Variants in KLRG1 observed in about 807,000 individuals in gnomAD.
KLRG1 encodes the protein killer cell lectin like receptor G1.
A neutral mutation model predicts 21.8 loss-of-function variants in KLRG1; 16 were observed. That is an observed-to-expected ratio of 0.73 (90% CI 0.50 to 1.11). KLRG1 has a LOEUF of 1.11. Among genes scored for constraint, KLRG1 ranks in the 50% most tolerant of loss-of-function variants. The pLI, the probability that KLRG1 is intolerant of heterozygous loss-of-function variation, is 0.00. For missense variants in KLRG1, 173 were observed against 218.3 expected, an observed-to-expected ratio of 0.79 and a Z score of 1.31; for synonymous variants, 69 against 75.9, an observed-to-expected ratio of 0.91 and a Z score of 0.47.
Position 8,992,266 on chromosome 12 carries a change from C to T in KLRG1, c.143C>T (p.Ala48Val). 1 of 1,613,924 alleles carries T rather than the reference C, an allele frequency of 6.2e-7. No homozygotes were observed. Among genetic ancestry groups the T allele is most frequent in the African/African-American group, 1.3e-5 (1 of 75,046 alleles). ...GCAATAGCTTTGGGGCTTCTGACTG[C>T]AGTTCTTCTGAGTGTGCTGCTATAC... is the stretch of plus-strand genomic sequence containing the variant. ...LVAIALGLLTAVLLSVLLYQW... is the reference protein window; with the variant it reads ...LVAIALGLLTVVLLSVLLYQW... The change falls in exon 2 of 5, where the codon GCA becomes GTA. Residue 48 changes from alanine to valine, a missense_variant. Coordinates refer to ENST00000356986, the MANE Select transcript of KLRG1 (RefSeq NM_005810.4).
At chr12:9,086,028 A>C in the KLRG1 span, among the ~76,000 whole-genome samples, 1 of 152,196 alleles carries the variant, frequency 6.6e-6, no homozygotes, top group Non-Finnish European at 1.5e-5. Context: ...AGAAAAGCCT[A>C]ATAACTGTTG....
intron 1 of KLRG1, among the ~76,000 whole-genome samples, chr12:8,958,218 T>C (rs967095649): frequency 1.3e-5 from 2 of 152,176 alleles, no homozygotes; most frequent in African/African-American, 4.8e-5. Flanking sequence ...TTTGAGTTAA[T>C]TTTTGTGTAT....
At chr12:9,196,548 C>T in the KLRG1 span, 1 of 1,581,068 alleles carries the variant, frequency 6.3e-7, no homozygotes, top group Non-Finnish European at 8.7e-7. Context: ...GTTTTATTTC[C>T]CATATTCGTT....
At chr12:9,000,459 T>G (rs1592274266) in intron 3 of KLRG1, among the ~76,000 whole-genome samples, 1 of 152,198 alleles carries the variant, frequency 6.6e-6, no homozygotes, top group African/African-American at 2.4e-5. Context: ...AAGTGTACAA[T>G]TGAGTGGCAT....
chr12:9,097,707 C>T, the KLRG1 span, among the ~76,000 whole-genome samples: 1 of 148,724 alleles, frequency 6.7e-6, no homozygotes, highest in African/African-American at 2.5e-5. Flanking sequence ...GATCTCGGCT[C>T]ACTCAACCTC....
At chr12:9,119,923 T>C in the KLRG1 span, among the ~76,000 whole-genome samples, 1 of 152,166 alleles carries the variant, frequency 6.6e-6, no homozygotes, top group Non-Finnish European at 1.5e-5. Context: ...ACTGGACCAG[T>C]TAGTTGCCAG....
chr12:9,201,280 C>G, the KLRG1 span: 1 of 1,481,950 alleles, frequency 6.7e-7, no homozygotes, highest in Non-Finnish European at 9.3e-7. Flanking sequence ...ACCTCCTACT[C>G]TCTAAAAGCA....
intron 1 of KLRG1, among the ~76,000 whole-genome samples, chr12:8,979,621 G>A (rs1215188188): frequency 6.6e-6 from 1 of 152,038 alleles, no homozygotes; most frequent in African/African-American, 2.4e-5. Context: ...AATTTGGATA[G>A]TTTTCAATTA....
the KLRG1 span, chr12:9,165,924 C>G: frequency 8.6e-7 from 1 of 1,167,996 alleles, no homozygotes; most frequent in Non-Finnish European, 1.2e-6. Context: ...TTACTTAGGT[C>G]TATCCTAAAG....
At chr12:9,212,628 T>C in the KLRG1 span, among the ~76,000 whole-genome samples, 1 of 152,178 alleles carries the variant, frequency 6.6e-6, no homozygotes, top group South Asian at 2.1e-4. Flanking sequence ...TCTTAAAATA[T>C]CTGATTTTTC....
the KLRG1 span, among the ~76,000 whole-genome samples, chr12:9,174,865 T>G: frequency 6.6e-6 from 1 of 152,240 alleles, no homozygotes; most frequent in Admixed American, 6.5e-5. Context: ...AGAATCAGTG[T>G]AATGACAATG....
At chr12:8,973,431 T>G (rs1413687273) in intron 1 of KLRG1, among the ~76,000 whole-genome samples, 1 of 152,164 alleles carries the variant, frequency 6.6e-6, no homozygotes, top group African/African-American at 2.4e-5. Context: ...AACCAGGTAG[T>G]CGCCTTTTGC....
At chr12:9,165,980 C>G in the KLRG1 span, 5 of 1,515,716 alleles carry the variant, frequency 3.3e-6, no homozygotes, top group East Asian at 1.1e-4. Flanking sequence ...GGAAGATTGT[C>G]TTAGAATTGA....
chr12:8,973,136 G>GT (rs902545737), intron 1 of KLRG1, among the ~76,000 whole-genome samples: 5 of 139,852 alleles, frequency 3.6e-5, no homozygotes, highest in African/African-American at 1.4e-4. Flanking sequence ...TCCAGCCTGG[G>GT]TGACAGAGCG....
chr12:9,162,710 TGGATTCCTTTCTTTGATGGGTAG>T, the KLRG1 span: 1 of 1,290,722 alleles, frequency 7.7e-7, no homozygotes, highest in Admixed American at 1.9e-5. Context: ...GAGAACCACA[TGGATTCCTTTCTTTGATGGGTAG>T]GGTTTACACG....
At chr12:9,120,035 G>A in the KLRG1 span, among the ~76,000 whole-genome samples, 5 of 152,136 alleles carry the variant, frequency 3.3e-5, no homozygotes, top group Non-Finnish European at 7.3e-5. Context: ...AATAATATCT[G>A]TGGTCTCACC....
chr12:9,072,779 T>C, the KLRG1 span: 23 of 1,614,126 alleles, frequency 1.4e-5, no homozygotes, highest in Non-Finnish European at 1.9e-5. Context: ...AAAATGTCCC[T>C]GAAGACTGGA....
the KLRG1 span, among the ~76,000 whole-genome samples, chr12:9,129,671 A>G: frequency 6.6e-6 from 1 of 151,866 alleles, no homozygotes; most frequent in Non-Finnish European, 1.5e-5. Context: ...TCCCGGGTTC[A>G]GGAGTAGCTG....
chr12:9,119,906 A>T, the KLRG1 span, among the ~76,000 whole-genome samples: 1 of 152,296 alleles, frequency 6.6e-6, no homozygotes, highest in East Asian at 1.9e-4. Flanking sequence ...GCTTGAGAGA[A>T]AAAATAACTG....
Sources: allele counts gnomAD v4.1 joint callset (sites outside exome capture counted in the v4.1 genomes callset), GRCh38; gene constraint gnomAD v4.1.1; transcripts MANE v1.5; gene names NCBI Gene and HGNC (gene_info 2026-07-23, HGNC 2026-07-21).